The following PRR16 variants were observed in gnomAD, a reference collection of about 807,000 sequenced individuals.
The protein encoded by PRR16 is proline rich 16.
Under a neutral mutation model 18.2 loss-of-function variants are expected in PRR16, and 6 were observed. The ratio of observed to expected loss-of-function variants is 0.33; its 90% CI spans 0.18 to 0.65. The LOEUF is 0.65. Ranked by LOEUF, PRR16 falls within the 30% of genes least tolerant of loss-of-function variation. The pLI is 0.74. For missense variants in PRR16, 412 were observed against 376.6 expected, an observed-to-expected ratio of 1.09 and a Z score of -0.78; for synonymous variants, 151 against 147.8, an observed-to-expected ratio of 1.02 and a Z score of -0.16.
the PRR16 span, among the ~76,000 whole-genome samples, chr5:120,785,384 A>G: frequency 6.6e-6 from 1 of 152,084 alleles, no homozygotes. Context: ...CAGCATCAAG[A>G]AAGCTCATCT....
chr5:120,565,309 C>T (rs542594641), intron 1 of PRR16, among the ~76,000 whole-genome samples: 192 of 152,072 alleles, frequency 1.3e-3, no homozygotes, highest in African/African-American at 4.3e-3. Flanking sequence ...CAGTTAACTG[C>T]ATAAAAAAGA....
chr5:120,502,357 A>T (rs190554745), intron 1 of PRR16, among the ~76,000 whole-genome samples: 2 of 133,486 alleles, frequency 1.5e-5, no homozygotes, highest in East Asian at 1.9e-4. Context: ...ATTTCCATAT[A>T]TATTTTATAT....
At chr5:120,769,918 G>T in the PRR16 span, among the ~76,000 whole-genome samples, 27 of 148,196 alleles carry the variant, frequency 1.8e-4, no homozygotes, top group South Asian at 5.8e-3. Flanking sequence ...AGTGTGAGGT[G>T]ATATTTCGTT....
At chr5:120,765,246 C>T in the PRR16 span, among the ~76,000 whole-genome samples, 276 of 152,068 alleles carry the variant, frequency 1.8e-3, no homozygotes, top group Middle Eastern at 6.8e-3. Context: ...TCGCATGTGC[C>T]TCTAATGATG....
chr5:120,760,957 T>C, the PRR16 span, among the ~76,000 whole-genome samples: 1 of 152,122 alleles, frequency 6.6e-6, no homozygotes, highest in South Asian at 2.1e-4. Flanking sequence ...AAGTTGCTTG[T>C]CCTACAGTTC....
intron 1 of PRR16, among the ~76,000 whole-genome samples, chr5:120,651,810 G>C (rs1390775596): frequency 2.6e-5 from 4 of 151,952 alleles, no homozygotes; most frequent in African/African-American, 9.7e-5. Flanking sequence ...TTGGCGATGT[G>C]GGCTCTTTTT....
chr5:120,573,226 A>G (rs1752962219), intron 1 of PRR16, among the ~76,000 whole-genome samples: 1 of 152,106 alleles, frequency 6.6e-6, no homozygotes, highest in South Asian at 2.1e-4. Context: ...TGGCCATTGT[A>G]TATGTTTCTG....
At chr5:120,762,228 A>G in the PRR16 span, among the ~76,000 whole-genome samples, 87 of 152,274 alleles carry the variant, frequency 5.7e-4, no homozygotes, top group Non-Finnish European at 1.0e-3. Flanking sequence ...TTGGATAAAT[A>G]TCCAGCAGTG....
At chr5:120,772,606 A>G in the PRR16 span, among the ~76,000 whole-genome samples, 1 of 152,084 alleles carries the variant, frequency 6.6e-6, no homozygotes, top group African/African-American at 2.4e-5. Flanking sequence ...AGACTAGTCA[A>G]CCACCTAGAA....
chr5:120,707,564 C>A, the PRR16 span, among the ~76,000 whole-genome samples: 1 of 152,126 alleles, frequency 6.6e-6, no homozygotes, highest in Non-Finnish European at 1.5e-5. Context: ...GCAGGAAGAG[C>A]CATATAATCT....
In PRR16 at chr5:120,465,187, G is replaced by C. The variant is rs1749035853; in HGVS notation, c.159+542G>C. Among the ~76,000 whole-genome samples, 2 of 152,124 alleles carry C rather than the reference G, an allele frequency of 1.3e-5. 1 individual carries two copies. The highest frequency in any genetic ancestry group is 4.8e-5 in the African/African-American group (2 of 41,412). On this transcript the variant is annotated intron_variant, in intron 1 of 1. Coordinates refer to ENST00000407149, the MANE Select transcript of PRR16 (RefSeq NM_001300783.2). ...TCTCTCGAGCCTCGCTGTAGGGAAG[G>C]CGACCCGGGCTGCTGGCAGCCTTGG...
In PRR16 at chr5:120,555,533, T is replaced by TAGAG. The variant is rs112424816; in HGVS notation, c.159+90904_159+90907dup. 5.5e-3 allele frequency among the ~76,000 whole-genome samples: 814 copies of TAGAG among 147,766 alleles called. 7 individuals are homozygous for TAGAG. The highest frequency in any genetic ancestry group is 0.019 in the African/African-American group (768 of 40,610). ...GGGTGGGGTGTGTGTGTGGGAGAGA[T>TAGAG]AGAGAGAGAGAGAGAGAGATCTGAT... On this transcript the variant is annotated intron_variant, in intron 1 of 1. Transcript: ENST00000407149.
chr5:120,748,292 T>A, the PRR16 span, among the ~76,000 whole-genome samples: 1 of 152,132 alleles, frequency 6.6e-6, no homozygotes, highest in African/African-American at 2.4e-5. Flanking sequence ...AATATCTATC[T>A]CTTTCAGACA....
intron 1 of PRR16, among the ~76,000 whole-genome samples, chr5:120,491,428 CCTTTCCTTTCCTTTCCTTTCCTTTCCT>C (rs1750037150): frequency 2.0e-3 from 1 of 490 alleles, no homozygotes; most frequent in African/African-American, 7.0e-3. Flanking sequence ...CCTTTCCTTT[CCTTTCCTTTCCTTTCCTTTCCTTTCCT>C]TTCCTTTCCT....
chr5:120,717,577 G>C, the PRR16 span, among the ~76,000 whole-genome samples: 1 of 152,142 alleles, frequency 6.6e-6, no homozygotes, highest in African/African-American at 2.4e-5. Flanking sequence ...TGACAGTGCT[G>C]TCTGTCACAT....
At chr5:120,760,290 T>C in the PRR16 span, among the ~76,000 whole-genome samples, 1 of 152,122 alleles carries the variant, frequency 6.6e-6, no homozygotes, top group South Asian at 2.1e-4. Flanking sequence ...AATTAATTTA[T>C]ATAAATATGG....
intron 1 of PRR16, among the ~76,000 whole-genome samples, chr5:120,582,237 A>C (rs1461897633): frequency 2.0e-5 from 3 of 152,296 alleles, no homozygotes; most frequent in South Asian, 2.1e-4. Context: ...CTTACTTATA[A>C]GTGGGAGCTA....
chr5:120,486,617 G>C (rs1749810139), intron 1 of PRR16, among the ~76,000 whole-genome samples: 1 of 152,128 alleles, frequency 6.6e-6, no homozygotes, highest in African/African-American at 2.4e-5. Flanking sequence ...TCTGATGGTA[G>C]TTTCTTTTGC....
chr5:120,508,512 C>T (rs1458489182), intron 1 of PRR16, among the ~76,000 whole-genome samples: 5 of 152,018 alleles, frequency 3.3e-5, no homozygotes, highest in African/African-American at 7.2e-5. Context: ...TTTCTTCAGA[C>T]GGGTAACAAC....
Sources: allele counts gnomAD v4.1 joint callset (sites outside exome capture counted in the v4.1 genomes callset), GRCh38; gene constraint gnomAD v4.1.1; transcripts MANE v1.5; gene names NCBI Gene and HGNC (gene_info 2026-07-23, HGNC 2026-07-21).